The following TMEM164 variants were observed in gnomAD, a reference collection of about 807,000 sequenced individuals.
TMEM164 encodes the protein RP13-360B22.2.
Under a neutral mutation model 18.8 loss-of-function variants are expected in TMEM164, and 4 were observed. That is an observed-to-expected ratio of 0.21 (90% confidence interval 0.10 to 0.49). The LOEUF (loss-of-function observed/expected upper bound fraction) is 0.49, where lower values mean the gene tolerates loss of function less well. Ranked by LOEUF, TMEM164 falls within the 20% of genes least tolerant of loss-of-function variation. TMEM164 has a pLI of 0.98. For missense variants in TMEM164, 108 were observed against 239.9 expected (o/e 0.45, Z 3.63); for synonymous variants, 86 against 101.7 (o/e 0.85, Z 0.93).
intron 2 of TMEM164, among the ~76,000 whole-genome samples, chrX:110,063,769 C>T (rs1408575370): frequency 9.0e-6 from 1 of 111,221 alleles, no homozygotes; most frequent in Non-Finnish European, 1.9e-5. Context: ...CTCTGAAACT[C>T]ATCTATGTAA....
At chrX:110,067,443 G>C in intron 3 of TMEM164, 47 bp downstream of exon 3, 1 of 1,128,111 alleles carries the variant, frequency 8.9e-7, no homozygotes, top group African/African-American at 1.8e-5. Context: ...GAGTATTTTT[G>C]TCTGTTTGCT....
intron 3 of TMEM164, among the ~76,000 whole-genome samples, chrX:110,084,644 A>G (rs1004939961): frequency 9.5e-6 from 1 of 105,297 alleles, no homozygotes; most frequent in Non-Finnish European, 1.9e-5. Flanking sequence ...GTCTCCAAAA[A>G]TAAAGAATAG....
At chrX:110,088,343 G>A (rs917956653) in intron 3 of TMEM164, among the ~76,000 whole-genome samples, 1 of 112,048 alleles carries the variant, frequency 8.9e-6, no homozygotes, top group Non-Finnish European at 1.9e-5. Flanking sequence ...CAGTTAAAAA[G>A]GGACAGTCTT....
chrX:110,088,264 A>C (rs2065881405), intron 3 of TMEM164, among the ~76,000 whole-genome samples: 2 of 111,718 alleles, frequency 1.8e-5, no homozygotes, highest in Non-Finnish European at 3.8e-5. Context: ...CCCCTTTCCC[A>C]GTGCTCATCT....
At chrX:110,106,662 C>T (rs1293184585) in intron 3 of TMEM164, among the ~76,000 whole-genome samples, 2 of 111,786 alleles carry the variant, frequency 1.8e-5, no homozygotes, top group East Asian at 5.6e-4. Flanking sequence ...GTGTGAGTCA[C>T]CACGCCCAGC....
At chrX:110,085,524 G>T (rs1191126323) in intron 3 of TMEM164, among the ~76,000 whole-genome samples, 2 of 110,236 alleles carry the variant, frequency 1.8e-5, no homozygotes, top group Non-Finnish European at 3.8e-5. Flanking sequence ...CAAATACAGG[G>T]TATGTAGATT....
At chrX:110,171,060 C>CA (rs2067224125) in intron 5 of TMEM164, among the ~76,000 whole-genome samples, 1 of 112,082 alleles carries the variant, frequency 8.9e-6, no homozygotes, top group Admixed American at 9.4e-5. Context: ...ATTATGTGTA[C>CA]AGTAAGATTG....
Position 110,173,393 on chromosome X carries a change from G to A in TMEM164, c.836G>A (p.Gly279Glu), listed in dbSNP as rs2067255786. ...GTCATCCTGTTCTCATACATGGCTG[G>A]GCCCTTGTGTAAATATCTGCTGGAT... ...KLVILFSYMA[G>E]PLCKYLLDLL... is the part of the protein sequence containing the mutation. Residue 279 changes from glycine to glutamate, a missense_variant, in exon 7 of 7, where the codon GGG becomes GAG. By Grantham distance (98) the Gly-to-Glu change is moderately conservative. Transcript: ENST00000372068. 1 of 1,209,647 alleles carries A rather than the reference G, an allele frequency of 8.3e-7. No individual in the cohort carries two copies. The highest frequency in any genetic ancestry group is 1.8e-5 in the African/African-American group (1 of 56,998).
intron 4 of TMEM164, among the ~76,000 whole-genome samples, chrX:110,121,849 G>C (rs947589827): frequency 1.2e-4 from 14 of 112,071 alleles, no homozygotes; most frequent in Non-Finnish European, 1.9e-5. Flanking sequence ...ACTACCACTT[G>C]TTATTGTGTC....
intron 3 of TMEM164, among the ~76,000 whole-genome samples, chrX:110,108,068 C>CTGTGTGTG (rs56714507): frequency 0.058 from 2,674 of 46,341 alleles, 276 homozygotes; most frequent in Middle Eastern, 0.081. Context: ...AGGAGGTATG[C>CTGTGTGTG]TGTGTGTGTG....
intron 2 of TMEM164, among the ~76,000 whole-genome samples, chrX:110,032,597 A>G (rs1371079836): frequency 8.9e-6 from 1 of 112,310 alleles, no homozygotes; most frequent in Non-Finnish European, 1.9e-5. Flanking sequence ...TACCTGATGC[A>G]GGGAATTGAA....
intron 2 of TMEM164, among the ~76,000 whole-genome samples, chrX:110,035,634 G>C (rs1462704348): frequency 9.1e-6 from 1 of 110,383 alleles, no homozygotes; most frequent in Non-Finnish European, 1.9e-5. Context: ...CTCCCAAGTA[G>C]CTGGGACTAC....
intron 3 of TMEM164, among the ~76,000 whole-genome samples, chrX:110,085,091 T>C (rs939195547): frequency 4.5e-5 from 5 of 110,080 alleles, no homozygotes; most frequent in African/African-American, 1.3e-4. Flanking sequence ...TTAAGACGTT[T>C]TTGTTTCCTC....
chrX:110,152,003 C>T (rs1345645524), intron 5 of TMEM164, among the ~76,000 whole-genome samples: 24 of 108,727 alleles, frequency 2.2e-4, no homozygotes, highest in Non-Finnish European at 4.0e-4. Context: ...TTATTCTTGC[C>T]ATGCAGGATT....
chrX:110,130,290 A>G (rs1270198389), intron 4 of TMEM164, among the ~76,000 whole-genome samples: 1 of 112,064 alleles, frequency 8.9e-6, no homozygotes, highest in African/African-American at 3.2e-5. Context: ...TGTAGGTAGT[A>G]TAAGTCGGTG....
intron 6 of TMEM164, 26 bp downstream of exon 6, chrX:110,171,546 T>C: frequency 1.3e-5 from 14 of 1,101,788 alleles, no homozygotes; most frequent in Middle Eastern, 2.4e-4. Flanking sequence ...TCCCCTTCTA[T>C]CCCCTCTGTT....
intron 2 of TMEM164, chrX:110,046,624 T>TC: frequency 2.5e-6 from 1 of 394,444 alleles, no homozygotes; most frequent in Non-Finnish European, 3.2e-6. Context: ...GGAACAGCAA[T>TC]GCCATTTGCT....
chrX:110,062,976 GC>G (rs1425270111), intron 2 of TMEM164, among the ~76,000 whole-genome samples: 3 of 111,328 alleles, frequency 2.7e-5, no homozygotes, highest in African/African-American at 9.8e-5. Context: ...GATGATGAGG[GC>G]CCAAGGGTAT....
At chrX:110,014,694 G>T (rs1933208454) in intron 2 of TMEM164, among the ~76,000 whole-genome samples, 1 of 108,222 alleles carries the variant, frequency 9.2e-6, no homozygotes, top group Admixed American at 9.8e-5. Context: ...TGAGCTTGGG[G>T]GAATGGGGTG....
Sources: gnomAD v4.1 joint callset for allele counts (sites outside exome capture counted in the v4.1 genomes callset) on GRCh38, gnomAD v4.1.1 for gene constraint, MANE v1.5 for transcripts, NCBI Gene and HGNC (gene_info 2026-07-23, HGNC 2026-07-21) for gene names.